Variants in PPP1R16B observed in about 807,000 individuals in gnomAD.
PPP1R16B encodes protein phosphatase 1 regulatory inhibitor subunit 16B.
PPP1R16B carries 14 observed loss-of-function variants against 61.7 expected under a neutral mutation model. That is an observed-to-expected ratio of 0.23 (90% CI 0.15 to 0.35). PPP1R16B has a LOEUF of 0.35. PPP1R16B is among the 10% of genes least tolerant of loss of function. The probability of loss-of-function intolerance (pLI) is 1.00; values close to 1 mark genes in which losing one functional copy is unlikely to be tolerated. For synonymous variants in PPP1R16B, 266 were observed against 305.3 expected, an observed-to-expected ratio of 0.87 and a Z score of 1.34; for missense variants, 547 against 752.5, an observed-to-expected ratio of 0.73 and a Z score of 3.19.
rs559827348 is a variant in PPP1R16B, at chr20:38,881,103, T to G, written c.251-8492T>G. On this transcript the variant is annotated intron_variant, in intron 2 of 10. Transcript: ENST00000299824. Reference sequence around the variant, plus strand: ...TTGAGGGAAGCCCGTGTCTTTCTGGTCCACCAGGGTGAGTCATCACCCAGG... The same window carrying G: ...TTGAGGGAAGCCCGTGTCTTTCTGGGCCACCAGGGTGAGTCATCACCCAGG... Among the ~76,000 whole-genome samples the G allele has an allele frequency of 2.4e-3, 359 of 152,246 alleles. 1 individual carries two copies. Among genetic ancestry groups the G allele is most frequent in the African/African-American group, 8.3e-3 (344 of 41,538 alleles).
chr20:38,817,851 T>C (rs1230360131), intron 1 of PPP1R16B, among the ~76,000 whole-genome samples: 1 of 152,172 alleles, frequency 6.6e-6, no homozygotes, highest in Non-Finnish European at 1.5e-5. Flanking sequence ...GAGACCATCC[T>C]GGCTAACACG....
intron 2 of PPP1R16B, among the ~76,000 whole-genome samples, chr20:38,887,395 C>T (rs6015976): frequency 2.6e-5 from 4 of 152,126 alleles, no homozygotes; most frequent in Admixed American, 2.0e-4. Context: ...AGCTAGAGAC[C>T]TGCAGACAGG....
chr20:38,835,206 C>T (rs539898666), intron 1 of PPP1R16B, among the ~76,000 whole-genome samples: 1 of 152,198 alleles, frequency 6.6e-6, no homozygotes, highest in Non-Finnish European at 1.5e-5. Flanking sequence ...ATCTCCAGTA[C>T]AACTTGCATC....
chr20:38,865,580 C>T (rs747997777), intron 2 of PPP1R16B, among the ~76,000 whole-genome samples: 4 of 152,160 alleles, frequency 2.6e-5, no homozygotes, highest in East Asian at 1.9e-4. Flanking sequence ...CGTGAGCCGC[C>T]GCGCCCGGCC....
rs983495155 is a variant in PPP1R16B at position 38,806,574 on chromosome 20, C to T, written c.-102+782C>T. ...GATGGGCGGAGACGTGCAGCCGCCC[C>T]TGAGAGGTCGCCCAGAGGGGTCTCC... On this transcript the variant is annotated intron_variant, in intron 1 of 10. Coordinates refer to ENST00000299824, the MANE Select transcript of PPP1R16B (RefSeq NM_015568.4). The surrounding 1 kb of genome is among the most constrained non-coding windows in gnomAD (Gnocchi z 4.5). 3.3e-5 allele frequency among the ~76,000 whole-genome samples: 5 copies of T among 152,178 alleles called. No individual in the cohort carries two copies. Among genetic ancestry groups the T allele is most frequent in the African/African-American group, 1.2e-4 (5 of 41,460 alleles).
In PPP1R16B at chr20:38,918,032, C is replaced by G. The variant is rs760450532; in HGVS notation, c.1195-125C>G. 2 of 1,316,300 alleles carry G rather than the reference C, an allele frequency of 1.5e-6. No homozygotes were observed. The highest frequency in any genetic ancestry group is 1.0e-6 in the Non-Finnish European group (1 of 956,592). 81.5% of individuals were successfully genotyped at this position (1,316,300 alleles called of 1,614,324 possible). Reference sequence around the variant, plus strand: ...GTTCCCCAAAGGAAAACCCTGGCCCCGATACCCAGGGAGAGAAAACAGATA... The same window carrying G: ...GTTCCCCAAAGGAAAACCCTGGCCCGGATACCCAGGGAGAGAAAACAGATA... On this transcript the variant is annotated intron_variant, in intron 10 of 10. Coordinates refer to ENST00000299824, the MANE Select transcript of PPP1R16B (RefSeq NM_015568.4). The surrounding 1 kb of genome is among the most constrained non-coding windows in gnomAD (Gnocchi z 5.3).
Position 38,918,904 on chromosome 20 carries a change from G to T in PPP1R16B, c.*238G>T. The T allele has an allele frequency of 8.8e-6, 4 of 452,610 alleles. No homozygotes were observed. Among genetic ancestry groups the T allele is most frequent in the Non-Finnish European group, 7.6e-6 (2 of 262,274 alleles). The allele number at this position is 452,610 out of a possible 1,614,324, so 28.0% of individuals were successfully genotyped here. Reference sequence around the variant, plus strand: ...ACACAAGGCCTGTCGTGGCCTCCTGGTTCACTCTGCTGTCTGATCTTGGGA... The same window carrying T: ...ACACAAGGCCTGTCGTGGCCTCCTGTTTCACTCTGCTGTCTGATCTTGGGA... On this transcript the variant is annotated 3_prime_UTR_variant, in exon 11 of 11. Coordinates refer to ENST00000299824, the MANE Select transcript of PPP1R16B (RefSeq NM_015568.4). This position sits in a 1 kb window ranked among gnomAD's most constrained non-coding sequence, Gnocchi z 5.3.
Position 38,843,642 on chromosome 20 carries a change from G to A in PPP1R16B, c.250+7467G>A, listed in dbSNP as rs185890034. ...TCTATTCATGAGAAATGACTCACTAGGTCCAGCCCACACTCAAGGGGTGGG... is the reference window on the plus strand; with the variant it reads ...TCTATTCATGAGAAATGACTCACTAAGTCCAGCCCACACTCAAGGGGTGGG... On this transcript the variant is annotated intron_variant, in intron 2 of 10. Transcript: ENST00000299824. Among the ~76,000 whole-genome samples, 187 of 152,224 alleles carry A rather than the reference G, an allele frequency of 1.2e-3. 3 individuals are homozygous for A. Among genetic ancestry groups the A allele is most frequent in the Admixed American group, 0.011 (167 of 15,292 alleles).
chr20:38,866,781 A>C (rs1394243525), intron 2 of PPP1R16B, among the ~76,000 whole-genome samples: 2 of 152,208 alleles, frequency 1.3e-5, no homozygotes, highest in Non-Finnish European at 2.9e-5. Context: ...CACAAAACAC[A>C]AAATTAACCA....
At chr20:38,894,317 C>T (rs897501952) in intron 3 of PPP1R16B, among the ~76,000 whole-genome samples, 1 of 152,114 alleles carries the variant, frequency 6.6e-6, no homozygotes, top group African/African-American at 2.4e-5. Context: ...TGGGCTTCCA[C>T]GGCCGCTCCT....
At position 38,907,422 on chromosome 20, in the gene PPP1R16B, T is replaced by C. The variant is rs139084790; in HGVS notation, c.898+368T>C. On this transcript the variant is annotated intron_variant, in intron 8 of 10. Transcript: ENST00000299824. The surrounding 1 kb of genome is among the most constrained non-coding windows in gnomAD (Gnocchi z 4.5). ...CATGGCTCAGTCAGCAATAGGTAGA[T>C]AGATGGATGAAGGGGTTAGGTAGAA... Among the ~76,000 whole-genome samples the C allele has an allele frequency of 6.6e-6, 1 of 152,168 alleles. No homozygotes were observed. The highest frequency in any genetic ancestry group is 2.4e-5 in the African/African-American group (1 of 41,486).
chr20:38,882,982 C>T (rs904647724), intron 2 of PPP1R16B, among the ~76,000 whole-genome samples: 5 of 152,130 alleles, frequency 3.3e-5, no homozygotes, highest in African/African-American at 1.2e-4. Flanking sequence ...GGAGGGATTT[C>T]CAGGTAAGGC....
intron 2 of PPP1R16B, among the ~76,000 whole-genome samples, chr20:38,872,384 G>A (rs2085136191): frequency 6.6e-6 from 1 of 152,184 alleles, no homozygotes; most frequent in Non-Finnish European, 1.5e-5. Flanking sequence ...GTTGGTGCCT[G>A]GCGAACATTT....
intron 2 of PPP1R16B, among the ~76,000 whole-genome samples, chr20:38,855,935 T>TAG (rs1359114180): frequency 2.0e-3 from 87 of 43,920 alleles, no homozygotes; most frequent in South Asian, 2.5e-3. Context: ...TATATATATA[T>TAG]ATATATATAG....
Position 38,836,045 on chromosome 20 carries a change from C to T in PPP1R16B, c.120C>T (p.Tyr40=), listed in dbSNP as rs1287754887. The change falls in exon 2 of 11, where the codon TAC becomes TAT. Residue 40 remains tyrosine (Y), a synonymous_variant. Transcript: ENST00000299824. ...RAQQLKKWAQ[Y]EQDLQHRKRK... ...AGCAGCTGAAGAAATGGGCACAGTACGAGCAGGACTTGCAGCACCGCAAGC... is the reference window on the plus strand; with the variant it reads ...AGCAGCTGAAGAAATGGGCACAGTATGAGCAGGACTTGCAGCACCGCAAGC... 4 of 1,608,144 alleles carry T rather than the reference C, an allele frequency of 2.5e-6. No homozygotes were observed. Among genetic ancestry groups the T allele is most frequent in the Admixed American group, 1.7e-5 (1 of 59,360 alleles).
intron 4 of PPP1R16B, among the ~76,000 whole-genome samples, 178 bp downstream of exon 4, chr20:38,895,888 TCC>T (rs2085335239): frequency 2.3e-5 from 1 of 43,646 alleles, no homozygotes; most frequent in Non-Finnish European, 4.2e-5. Flanking sequence ...CCTTCTTTCT[TCC>T]CTCCCTCCCT....
intron 1 of PPP1R16B, among the ~76,000 whole-genome samples, chr20:38,807,358 G>A (rs2145698991): frequency 6.6e-6 from 1 of 152,368 alleles, no homozygotes; most frequent in Middle Eastern, 3.4e-3. Flanking sequence ...GGAGATGAGG[G>A]AGAGGCTGGG....
intron 2 of PPP1R16B, among the ~76,000 whole-genome samples, chr20:38,841,176 C>G (rs113278079): frequency 2.7e-4 from 41 of 151,936 alleles, no homozygotes; most frequent in Middle Eastern, 3.4e-3. Context: ...GTGTACTATT[C>G]AATGATTTTC....
intron 2 of PPP1R16B, among the ~76,000 whole-genome samples, chr20:38,852,753 T>TC (rs2084977439): frequency 8.4e-6 from 1 of 119,452 alleles, no homozygotes; most frequent in Admixed American, 8.0e-5. Context: ...TTTCCTTTTT[T>TC]TTTTTTTTTT....
Sources: gnomAD v4.1 joint callset for allele counts (sites outside exome capture counted in the v4.1 genomes callset) on GRCh38, gnomAD v4.1.1 for gene constraint, Gnocchi (gnomAD v3.1) non-coding constraint, MANE v1.5 for transcripts, NCBI Gene and HGNC (gene_info 2026-07-23, HGNC 2026-07-21) for gene names.